Variants in FN3K observed in about 807,000 individuals in gnomAD.
FN3K encodes the protein fructosamine-3-kinase.
A neutral mutation model predicts 24.8 loss-of-function variants in FN3K; 24 were observed. The ratio of observed to expected loss-of-function variants is 0.97; its 90% CI spans 0.70 to 1.36. The LOEUF (loss-of-function observed/expected upper bound fraction) is 1.36. FN3K is among the 40% of genes most tolerant of loss of function. The pLI, the probability that FN3K is intolerant of heterozygous loss-of-function variation, is 0.00. For synonymous variants in FN3K, 192 were observed against 175.2 expected (o/e 1.10, Z -0.76); for missense variants, 449 against 416.7 (o/e 1.08, Z -0.67).
intron 4 of FN3K, among the ~76,000 whole-genome samples, chr17:82,747,013 T>TA (rs1236401879): frequency 6.6e-6 from 1 of 151,872 alleles, no homozygotes; most frequent in Non-Finnish European, 1.5e-5. Flanking sequence ...TTAGTAGAGA[T>TA]AGAGTTTCAC....
rs1598346218 is a variant in FN3K, at chr17:82,750,905, T to C, written c.*150T>C. On this transcript the variant is annotated 3_prime_UTR_variant, in exon 6 of 6. Transcript: ENST00000300784. The stretch of plus-strand genomic sequence containing the variant: ...CCATCCCCCCGTCCCCCCATCCTCC[T>C]GTCCCCGTCCCCCCGTCCCCGTCCC... 2.8e-6 allele frequency: 1 copy of C among 353,356 alleles called. No individual in the cohort carries two copies. The highest frequency in any genetic ancestry group is 2.2e-5 in the South Asian group (1 of 46,076). 21.9% of individuals were successfully genotyped at this position (353,356 alleles called of 1,614,324 possible). A position where few individuals can be genotyped will look rare whatever the true frequency, so the allele number is the denominator to read the frequency against.
At chr17:82,741,073 G>A (rs776411489) in intron 3 of FN3K, 1 of 659,472 alleles carries the variant, frequency 1.5e-6, no homozygotes, top group Non-Finnish European at 2.7e-6. Flanking sequence ...CAGCCCTCCT[G>A]TCTGGTGTGC....
chr17:82,743,592 TC>T (rs199559768), intron 4 of FN3K, among the ~76,000 whole-genome samples: 1,867 of 152,302 alleles, frequency 0.012, 39 homozygotes, highest in African/African-American at 0.043. Context: ...GCCAGCTGGG[TC>T]GGCTGTGGTG....
At chr17:82,742,775 T>C (rs1293483029) in intron 4 of FN3K, 1 of 448,936 alleles carries the variant, frequency 2.2e-6, no homozygotes, top group East Asian at 7.0e-5. Flanking sequence ...GCACCCATTA[T>C]ATAAGAGCTA....
rs2047029476 is a variant in FN3K at position 82,750,950 on chromosome 17, C to CAT, written c.*195_*196insAT. On this transcript the variant is annotated 3_prime_UTR_variant, in exon 6 of 6. Transcript: ENST00000300784. ...CGTCCCTCCATCCCTGTCCCCCGTC[C>CAT]CCCTGTCCCCCTGTCCACATACCAA... 7.9e-6 allele frequency: 2 copies of CAT among 253,458 alleles called. No homozygotes were observed. The highest frequency in any genetic ancestry group is 1.8e-4 in the African/African-American group (2 of 11,272). The allele number at this position is 253,458 out of a possible 1,614,324, so 15.7% of individuals were successfully genotyped here.
At chr17:82,744,639 G>A (rs1348702621) in intron 4 of FN3K, among the ~76,000 whole-genome samples, 1 of 152,124 alleles carries the variant, frequency 6.6e-6, no homozygotes, top group East Asian at 1.9e-4. Context: ...GAAATAAGGG[G>A]ACCCAGGGAA....
chr17:82,746,565 C>T (rs2046969559), intron 4 of FN3K, among the ~76,000 whole-genome samples: 1 of 152,046 alleles, frequency 6.6e-6, no homozygotes, highest in Non-Finnish European at 1.5e-5. Flanking sequence ...CTTTCGGAGG[C>T]CGAGGTGGGC....
chr17:82,737,136 C>T (rs2046907246), intron 1 of FN3K, among the ~76,000 whole-genome samples: 1 of 152,182 alleles, frequency 6.6e-6, no homozygotes, highest in Non-Finnish European at 1.5e-5. Context: ...GCCAGGGCTG[C>T]CAGGCTGGGG....
In FN3K at chr17:82,750,671, G is replaced by GT. The variant is rs1568072581; in HGVS notation, c.849dup (p.Asn284Ter). The GT allele has an allele frequency of 2.5e-6, 4 of 1,613,894 alleles. No homozygotes were observed. In the South Asian group the frequency reaches 4.4e-5, roughly 18 times the overall value. ...ACCAGCGGCTGCTGCTCTACCAGCT[G>GT]TTTAACTACCTGAACCACTGGAACC... On this transcript the variant is annotated frameshift_variant, in exon 6 of 6. Transcript: ENST00000300784. LOFTEE classifies it low-confidence loss of function (END_TRUNC).
intron 2 of FN3K, among the ~76,000 whole-genome samples, chr17:82,740,537 AGCCATGATTGT>A (rs2143642722): frequency 6.6e-6 from 1 of 151,794 alleles, no homozygotes; most frequent in East Asian, 1.9e-4. Flanking sequence ...AGCTGCAGTG[AGCCATGATTGT>A]GCCACTGCAC....
At chr17:82,739,831 G>A (rs1171511163) in intron 2 of FN3K, among the ~76,000 whole-genome samples, 1 of 152,032 alleles carries the variant, frequency 6.6e-6, no homozygotes, top group Admixed American at 6.6e-5. Flanking sequence ...GCCTGCCTTG[G>A]CCTCCCAAAG....
intron 4 of FN3K, chr17:82,742,737 A>T (rs1568069033): frequency 4.4e-6 from 2 of 456,092 alleles, no homozygotes; most frequent in Non-Finnish European, 8.8e-6. Context: ...CCAATATTGG[A>T]CCATATTTTG....
intron 1 of FN3K, among the ~76,000 whole-genome samples, chr17:82,736,970 C>A (rs1395895956): frequency 6.6e-6 from 1 of 152,148 alleles, no homozygotes; most frequent in African/African-American, 2.4e-5. Context: ...TCAGTCCATG[C>A]ATAAGAGCAG....
intron 4 of FN3K, among the ~76,000 whole-genome samples, chr17:82,741,994 G>C (rs188091038): frequency 2.0e-5 from 3 of 152,228 alleles, no homozygotes; most frequent in African/African-American, 7.2e-5. Flanking sequence ...CGCAACATCG[G>C]CCTCCTGGGT....
At chr17:82,737,989 T>G (rs12941348) in intron 1 of FN3K, 1 of 160,188 alleles carries the variant, frequency 6.2e-6, no homozygotes, top group Non-Finnish European at 1.4e-5. Context: ...GCCGGCCGGG[T>G]GTGCCGTGCC....
At chr17:82,748,663 TTTG>T (rs2046982459) in intron 4 of FN3K, among the ~76,000 whole-genome samples, 189 bp from the exon 5 acceptor site, 1 of 152,188 alleles carries the variant, frequency 6.6e-6, no homozygotes, top group Admixed American at 6.5e-5. Flanking sequence ...CATCTTGCAA[TTTG>T]TTTTTTGTTT....
In FN3K at chr17:82,750,785, G is replaced by A. The variant is rs751326736; in HGVS notation, c.*30G>A. The A allele has an allele frequency of 9.4e-5, 142 of 1,511,670 alleles. No homozygotes were observed. The highest frequency in any genetic ancestry group is 1.2e-4 in the Non-Finnish European group (131 of 1,130,894). The allele number at this position is 1,511,670 out of a possible 1,614,324, so 93.6% of individuals were successfully genotyped here. A position where few individuals can be genotyped will look rare whatever the true frequency, so the allele number is the denominator to read the frequency against. On this transcript the variant is annotated 3_prime_UTR_variant, in exon 6 of 6. Transcript: ENST00000300784. ...CCCTGCCCTCCCTTCCCCTGTCCCCGTCCCCGTCTCCGTCTCCCCGTCCCT... is the reference window on the plus strand; with the variant it reads ...CCCTGCCCTCCCTTCCCCTGTCCCCATCCCCGTCTCCGTCTCCCCGTCCCT...
At chr17:82,749,107 A>C in intron 5 of FN3K, 130 bp downstream of exon 5, 7 of 1,094,170 alleles carry the variant, frequency 6.4e-6, no homozygotes, top group Non-Finnish European at 9.3e-6. Context: ...TCAGGGAGGA[A>C]GGGGGGCAGG....
chr17:82,747,536 G>A (rs886866728), intron 4 of FN3K, among the ~76,000 whole-genome samples: 3 of 152,156 alleles, frequency 2.0e-5, no homozygotes, highest in Admixed American at 1.3e-4. Flanking sequence ...GAGTAGCTGG[G>A]ACTACAGGCA....
Sources: allele counts gnomAD v4.1 joint callset (sites outside exome capture counted in the v4.1 genomes callset), GRCh38; gene constraint gnomAD v4.1.1; transcripts MANE v1.5; gene names NCBI Gene and HGNC (gene_info 2026-07-23, HGNC 2026-07-21).